Variants in SEC31B observed in about 807,000 individuals in gnomAD.
SEC31B encodes protein transport protein Sec31B.
In SEC31B, 113 loss-of-function variants were observed where a neutral mutation model predicts 135.0. The ratio of observed to expected loss-of-function variants is 0.84; its 90% CI spans 0.72 to 0.98. The LOEUF is 0.98. Ranked by LOEUF, SEC31B falls within the 50% of genes least tolerant of loss-of-function variation. SEC31B has a pLI of 0.00. For synonymous variants in SEC31B, 508 were observed against 549.4 expected, an observed-to-expected ratio of 0.92 and a Z score of 1.05; for missense variants, 1,296 against 1,421.1, an observed-to-expected ratio of 0.91 and a Z score of 1.42.
chr10:100,513,778 A>G (rs1303873931), intron 3 of SEC31B, among the ~76,000 whole-genome samples: 1 of 152,076 alleles, frequency 6.6e-6, no homozygotes, highest in Non-Finnish European at 1.5e-5. Context: ...CTGGTAACCT[A>G]AAAGTTTCTA....
intron 3 of SEC31B, among the ~76,000 whole-genome samples, chr10:100,515,404 T>C (rs1334947045): frequency 6.6e-6 from 1 of 152,226 alleles, no homozygotes. Context: ...TGGAGACCAT[T>C]GCTTCAGATT....
chr10:100,508,910 G>T, intron 5 of SEC31B, 97 bp downstream of exon 5: 1 of 923,890 alleles, frequency 1.1e-6, no homozygotes, highest in African/African-American at 1.6e-5. Context: ...GGTAAAGTTT[G>T]ATATCTCTTG....
chr10:100,496,468 G>A, intron 17 of SEC31B, 37 bp from the exon 18 acceptor site: 2 of 1,608,796 alleles, frequency 1.2e-6, no homozygotes, highest in South Asian at 2.2e-5. Flanking sequence ...AGCCTTCAAT[G>A]AGGCATATCC....
Position 100,498,106 on chromosome 10 carries a change from C to G in SEC31B, c.1786G>C (p.Ala596Pro). The change falls in exon 15 of 26, where the codon GCC becomes CCC. Residue 596 changes from alanine to proline, a missense_variant. Physicochemically the swap from Ala to Pro is conservative, Grantham distance 27. Transcript: ENST00000370345. ...AGCAGATCTGTACCCCCAGCCTGGG[C>G]CAGGATAATGGCATCAGCAAAGCGC... is the stretch of plus-strand genomic sequence containing the variant. ...EERFADAIILAQAGGTDLLKQ... is the reference protein window; with the variant it reads ...EERFADAIILPQAGGTDLLKQ... The G allele has an allele frequency of 6.2e-7, 1 of 1,614,164 alleles. No homozygotes were observed. The highest frequency in any genetic ancestry group is 2.2e-5 in the East Asian group (1 of 44,880).
Position 100,507,411 on chromosome 10 carries a change from G to T in SEC31B, c.782+14C>A. 6.2e-7 allele frequency: 1 copy of T among 1,614,156 alleles called. No homozygotes were observed. Among genetic ancestry groups the T allele is most frequent in the Non-Finnish European group, 8.5e-7 (1 of 1,180,004 alleles). ...CCATCCCCCCAAGGATATGGATGAC[G>T]TCTGAGATGCTACCTGCTGTGGCTC... is the stretch of plus-strand genomic sequence containing the variant. On this transcript the variant is annotated intron_variant, in intron 7 of 25. Transcript: ENST00000370345.
At chr10:100,516,275 T>C in intron 2 of SEC31B, 56 bp from the exon 3 acceptor site, 1 of 1,584,716 alleles carries the variant, frequency 6.3e-7, no homozygotes, top group Non-Finnish European at 8.6e-7. Flanking sequence ...ATTTCAGGTA[T>C]AAGAAGGTTA....
chr10:100,495,513 G>C lies in SEC31B; in HGVS notation c.2344C>G (p.His782Asp). 6.2e-7 allele frequency: 1 copy of C among 1,613,912 alleles called. No homozygotes were observed. Among genetic ancestry groups the C allele is most frequent in the Non-Finnish European group, 8.5e-7 (1 of 1,179,952 alleles). ...CCCAAGACAGCAGAACCTTGAGCAT[G>C]AAAAAGCCGATCTCTTAGCTGCTGA... ...PVQQLRDRLF[H>D]AQGSAVLGQQ... The change falls in exon 19 of 26, where the codon CAT becomes GAT. Residue 782 changes from histidine (H) to aspartate (D), a missense_variant. By Grantham distance (81) the His-to-Asp change is moderately conservative. Coordinates refer to ENST00000370345, the MANE Select transcript of SEC31B (RefSeq NM_015490.4).
intron 11 of SEC31B, chr10:100,500,036 A>T: frequency 2.2e-6 from 1 of 456,548 alleles, no homozygotes; most frequent in Non-Finnish European, 4.4e-6. Flanking sequence ...TCCGGAAGCT[A>T]TGCTTTTAGA....
intron 19 of SEC31B, among the ~76,000 whole-genome samples, chr10:100,493,986 AG>A (rs1851354859): frequency 7.0e-6 from 1 of 143,728 alleles, no homozygotes; most frequent in African/African-American, 2.8e-5. Flanking sequence ...GAAGGGGAAA[AG>A]GGGAGACAAG....
rs372186235 is a variant in SEC31B, at chr10:100,488,977, G to T, written c.3172-3C>A. On this transcript the variant is annotated splice_polypyrimidine_tract_variant and splice_region_variant and intron_variant, in intron 23 of 25. Transcript: ENST00000370345. ...TTCTCAGGTGGCAGGTGCTGAAGCT[G>T]CTGATAAAGAAGCAGGGAGAAAGGC... 1.6e-5 allele frequency: 26 copies of T among 1,597,352 alleles called. No homozygotes were observed. In the African/African-American group the frequency reaches 2.6e-4, roughly 16 times the overall value.
At chr10:100,504,323 C>T (rs541798086) in intron 10 of SEC31B, among the ~76,000 whole-genome samples, 8 of 152,302 alleles carry the variant, frequency 5.3e-5, no homozygotes, top group African/African-American at 1.7e-4. Flanking sequence ...CAAGAACTTC[C>T]GCTTTTATAC....
At chr10:100,504,389 C>G (rs755357560) in intron 10 of SEC31B, among the ~76,000 whole-genome samples, 2 of 152,144 alleles carry the variant, frequency 1.3e-5, no homozygotes, top group Non-Finnish European at 2.9e-5. Flanking sequence ...GCTTCAGGGC[C>G]TTGTCATTCA....
chr10:100,495,758 C>A (rs74689446), intron 18 of SEC31B, among the ~76,000 whole-genome samples: 3,504 of 152,044 alleles, frequency 0.023, 150 homozygotes, highest in African/African-American at 0.078. Context: ...AGTGGAAAAC[C>A]GGGATGAGGA....
At chr10:100,511,458 TAAG>T (rs1417000822) in intron 3 of SEC31B, among the ~76,000 whole-genome samples, 1 of 152,042 alleles carries the variant, frequency 6.6e-6, no homozygotes, top group Non-Finnish European at 1.5e-5. Context: ...TTTTAAAAAA[TAAG>T]AAGTTGAAAA....
chr10:100,497,667 C>T lies in SEC31B; in HGVS notation c.1990G>A (p.Asp664Asn). Residue 664 changes from aspartate (D) to asparagine (N), a missense_variant and splice_region_variant, in exon 16 of 26, where the codon GAC (aspartate) becomes AAC (asparagine). Transcript: ENST00000370345. ...TCCTGAAGCCTGGGACCACACTTAC[C>T]ACAGAGCTCGGGAAATTTCTCTGTG... ...SGTEKFPELC[D>N]MLGTRMEQEG... 6.2e-7 allele frequency: 1 copy of T among 1,614,172 alleles called. No individual in the cohort carries two copies. Among genetic ancestry groups the T allele is most frequent in the Non-Finnish European group, 8.5e-7 (1 of 1,180,042 alleles).
Position 100,508,064 on chromosome 10 carries a change from G to A in SEC31B, c.496-13C>T. 5 of 1,613,984 alleles carry A rather than the reference G, an allele frequency of 3.1e-6. No individual in the cohort carries two copies. The highest frequency in any genetic ancestry group is 4.2e-6 in the Non-Finnish European group (5 of 1,179,920). ...CCTCTGGAGGCTGCTAAGGCAGGAT[G>A]GGGACAGAAAGATGACAACTTGTCA... On this transcript the variant is annotated splice_polypyrimidine_tract_variant and intron_variant, in intron 5 of 25. Coordinates refer to ENST00000370345, the MANE Select transcript of SEC31B (RefSeq NM_015490.4).
chr10:100,489,313 T>C lies in SEC31B; in HGVS notation c.3110A>G (p.Gln1037Arg). The C allele has an allele frequency of 1.2e-6, 2 of 1,613,746 alleles. No individual in the cohort carries two copies. The highest frequency in any genetic ancestry group is 1.7e-6 in the Non-Finnish European group (2 of 1,179,910). ...TPELQGILPS[Q>R]PPVSSVSHAP... Reference sequence around the variant, plus strand: ...ATGACTCACACTGGAGACAGGGGGCTGTGAGGGAAGAATCCCTTGTAGCTC... The same window carrying C: ...ATGACTCACACTGGAGACAGGGGGCCGTGAGGGAAGAATCCCTTGTAGCTC... The change falls in exon 23 of 26, where the codon CAG (glutamine) becomes CGG (arginine). Residue 1037 changes from glutamine (Q) to arginine (R), a missense_variant. Gln to Arg is a conservative substitution (Grantham distance 43, BLOSUM62 1). Transcript: ENST00000370345.
chr10:100,496,357 G>T lies in SEC31B; in HGVS notation c.2211C>A (p.Gly737=). The T allele has an allele frequency of 6.2e-7, 1 of 1,614,208 alleles. No homozygotes were observed. The highest frequency in any genetic ancestry group is 8.5e-7 in the Non-Finnish European group (1 of 1,180,038). The change falls in exon 18 of 26, where the codon GGC becomes GGA. Residue 737 remains glycine, a synonymous_variant. Transcript: ENST00000370345. ...QLRGPHGVSP[G]PATTYRVTQY... is the part of the protein sequence containing the mutation. ...GAGTGACCCTGTAGGTTGTGGCAGG[G>T]CCTGGGCTCACCCCATGAGGACCCC...
chr10:100,492,971 G>C (rs559995589), intron 19 of SEC31B, among the ~76,000 whole-genome samples: 2 of 152,342 alleles, frequency 1.3e-5, no homozygotes, highest in Admixed American at 6.5e-5. Context: ...ACTGAACCTA[G>C]TAAAGATGTC....
Sources: allele counts gnomAD v4.1 joint callset (sites outside exome capture counted in the v4.1 genomes callset), GRCh38; gene constraint gnomAD v4.1.1; transcripts MANE v1.5; gene names NCBI Gene and HGNC (gene_info 2026-07-23, HGNC 2026-07-21).